The following SPOCK1 variants were observed in gnomAD, a reference collection of about 807,000 sequenced individuals.
SPOCK1 encodes the protein SPARC (osteonectin), cwcv and kazal like domains proteoglycan 1.
Under a neutral mutation model 55.3 loss-of-function variants are expected in SPOCK1, and 23 were observed. The observed-to-expected ratio is 0.42, with a 90% CI of 0.30 to 0.59. The LOEUF (loss-of-function observed/expected upper bound fraction) is 0.59, where lower values mean the gene tolerates loss of function less well. Among genes scored for constraint, SPOCK1 ranks in the 20% least tolerant of loss-of-function variants. The pLI is 0.22. For missense variants in SPOCK1, 499 were observed against 552.5 expected (o/e 0.90, Z 0.97); for synonymous variants, 226 against 221.0 (o/e 1.02, Z -0.20).
intron 2 of SPOCK1, among the ~76,000 whole-genome samples, chr5:137,392,567 G>A (rs1349125267): frequency 6.6e-6 from 1 of 152,212 alleles, no homozygotes; most frequent in Non-Finnish European, 1.5e-5. Flanking sequence ...TTCACACCCA[G>A]CATAGACATG....
Position 137,106,554 on chromosome 5 carries a change from G to T in SPOCK1, c.474+5881C>A, listed in dbSNP as rs1005638051. 1.3e-5 allele frequency among the ~76,000 whole-genome samples: 2 copies of T among 151,978 alleles called. 1 individual carries two copies. The highest frequency in any genetic ancestry group is 2.9e-5 in the Non-Finnish European group (2 of 68,012). On this transcript the variant is annotated intron_variant, in intron 5 of 10. Transcript: ENST00000394945. ...TGTAATGACTCTATATCTGAAATTC[G>T]AATCATTGCTAAGACCAGCTGTAGC... is the stretch of plus-strand genomic sequence containing the variant.
intron 6 of SPOCK1, among the ~76,000 whole-genome samples, chr5:137,065,048 C>T (rs11957775): frequency 0.03 from 4,541 of 151,870 alleles, 110 homozygotes; most frequent in East Asian, 0.096. Flanking sequence ...AGCAACATGG[C>T]GAAACCTTGT....
chr5:137,203,973 T>C (rs1411553849), intron 3 of SPOCK1, among the ~76,000 whole-genome samples: 1 of 152,182 alleles, frequency 6.6e-6, no homozygotes, highest in African/African-American at 2.4e-5. Flanking sequence ...AAACGTGGAA[T>C]GTTGGCAACA....
At chr5:137,203,498 G>C (rs1448750273) in intron 3 of SPOCK1, among the ~76,000 whole-genome samples, 3 of 151,984 alleles carry the variant, frequency 2.0e-5, no homozygotes, top group Non-Finnish European at 2.9e-5. Context: ...TTAACTCCCT[G>C]GGGAAGTCCC....
intron 2 of SPOCK1, among the ~76,000 whole-genome samples, chr5:137,335,839 G>A (rs1202486774): frequency 6.6e-6 from 1 of 152,212 alleles, no homozygotes; most frequent in Non-Finnish European, 1.5e-5. Flanking sequence ...AAATACAGGT[G>A]ACAGGAACTG....
At chr5:137,134,871 A>T (rs1753951870) in intron 4 of SPOCK1, among the ~76,000 whole-genome samples, 1 of 152,204 alleles carries the variant, frequency 6.6e-6, no homozygotes, top group Non-Finnish European at 1.5e-5. Context: ...GACCTCGAAC[A>T]CTTTGATTCT....
chr5:137,102,102 T>C (rs1449752715), intron 5 of SPOCK1, among the ~76,000 whole-genome samples: 2 of 152,172 alleles, frequency 1.3e-5, no homozygotes, highest in Non-Finnish European at 2.9e-5. Flanking sequence ...ATACTACTTA[T>C]TAAATTTTAT....
At chr5:137,229,485 G>A (rs1756008327) in intron 3 of SPOCK1, among the ~76,000 whole-genome samples, 1 of 152,146 alleles carries the variant, frequency 6.6e-6, no homozygotes, top group South Asian at 2.1e-4. Flanking sequence ...GACCCTATGG[G>A]AAGATGACAC....
intron 2 of SPOCK1, among the ~76,000 whole-genome samples, chr5:137,497,464 C>T (rs1109982): frequency 0.4 from 60,983 of 152,030 alleles, 12,324 homozygotes; most frequent in East Asian, 0.47. Flanking sequence ...ACATGGTACT[C>T]CCAAGTCCCC....
At chr5:137,236,660 C>T (rs1756187163) in intron 3 of SPOCK1, among the ~76,000 whole-genome samples, 1 of 152,158 alleles carries the variant, frequency 6.6e-6, no homozygotes, top group Admixed American at 6.5e-5. Flanking sequence ...GGGCTATGGT[C>T]ATATCTGACC....
intron 6 of SPOCK1, among the ~76,000 whole-genome samples, chr5:137,002,567 C>T (rs143888322): frequency 1.3e-5 from 2 of 152,218 alleles, no homozygotes; most frequent in East Asian, 3.9e-4. Context: ...GCCAGTGGGT[C>T]AGCATTTCCC....
At chr5:137,087,573 G>A (rs542695476) in intron 5 of SPOCK1, among the ~76,000 whole-genome samples, 1 of 152,212 alleles carries the variant, frequency 6.6e-6, no homozygotes, top group Non-Finnish European at 1.5e-5. Flanking sequence ...CCTGCAACCT[G>A]GGGCCTCTGC....
intron 2 of SPOCK1, among the ~76,000 whole-genome samples, chr5:137,383,742 T>C (rs1751530934): frequency 6.6e-6 from 1 of 152,242 alleles, no homozygotes; most frequent in Non-Finnish European, 1.5e-5. Flanking sequence ...GCCCAGACCA[T>C]CCTTGCATTG....
chr5:137,391,538 A>G (rs1179637451), intron 2 of SPOCK1, among the ~76,000 whole-genome samples: 2 of 152,108 alleles, frequency 1.3e-5, no homozygotes, highest in Admixed American at 1.3e-4. Context: ...GCTCCTGTGT[A>G]AGAAGCTGTA....
chr5:137,120,941 G>A (rs1753672506), intron 4 of SPOCK1, among the ~76,000 whole-genome samples: 1 of 152,180 alleles, frequency 6.6e-6, no homozygotes, highest in African/African-American at 2.4e-5. Flanking sequence ...TTCCTGACCA[G>A]TCCTCAAAAG....
intron 2 of SPOCK1, among the ~76,000 whole-genome samples, chr5:137,472,992 T>C (rs1268007057): frequency 1.3e-5 from 2 of 152,198 alleles, no homozygotes; most frequent in African/African-American, 4.8e-5. Flanking sequence ...CCAAGCACTG[T>C]TCTATGTTGC....
chr5:137,455,143 T>A (rs1186141002), intron 2 of SPOCK1, among the ~76,000 whole-genome samples: 1 of 152,214 alleles, frequency 6.6e-6, no homozygotes, highest in Non-Finnish European at 1.5e-5. Context: ...AACAAGACTT[T>A]GTACCTTACA....
intron 2 of SPOCK1, among the ~76,000 whole-genome samples, chr5:137,411,780 T>A (rs1752212912): frequency 6.6e-6 from 1 of 152,136 alleles, no homozygotes; most frequent in Non-Finnish European, 1.5e-5. Context: ...GTGCAGGAAG[T>A]TAAATAAATG....
chr5:136,983,016 C>CTTACAGGGTAGGTGTGTTTCTT (rs1750762519), intron 9 of SPOCK1, among the ~76,000 whole-genome samples: 1 of 152,110 alleles, frequency 6.6e-6, no homozygotes, highest in African/African-American at 2.4e-5. Flanking sequence ...TTTTGGTTTT[C>CTTACAGGGTAGGTGTGTTTCTT]CTTACAGGGT....
Sources: gnomAD v4.1 joint callset for allele counts (sites outside exome capture counted in the v4.1 genomes callset) on GRCh38, gnomAD v4.1.1 for gene constraint, MANE v1.5 for transcripts, NCBI Gene and HGNC (gene_info 2026-07-23, HGNC 2026-07-21) for gene names.